SFMBT1: variants seen among roughly 807,000 people sequenced by gnomAD.
SFMBT1 encodes the protein Scm like with four mbt domains 1, also known as scm-like with four MBT domains protein 1.
A neutral mutation model predicts 108.7 loss-of-function variants in SFMBT1; 32 were observed. The observed-to-expected ratio is 0.29, with a 90% CI of 0.22 to 0.40. The LOEUF (loss-of-function observed/expected upper bound fraction) is 0.40, where lower values mean the gene tolerates loss of function less well. SFMBT1 is among the 10% of genes least tolerant of loss of function. The pLI, the probability that SFMBT1 is intolerant of heterozygous loss-of-function variation, is 1.00. For synonymous variants in SFMBT1, 348 were observed against 369.5 expected (o/e 0.94, Z 0.67); for missense variants, 816 against 1,059.6 (o/e 0.77, Z 3.19).
intron 1 of SFMBT1, among the ~76,000 whole-genome samples, chr3:53,015,237 A>T (rs2106934420): frequency 6.6e-6 from 1 of 151,958 alleles, no homozygotes; most frequent in East Asian, 1.9e-4. Context: ...AAATCATTGT[A>T]TTTTAATTGG....
chr3:53,032,777 A>T (rs1699730815), intron 1 of SFMBT1, among the ~76,000 whole-genome samples: 1 of 152,196 alleles, frequency 6.6e-6, no homozygotes, highest in Non-Finnish European at 1.5e-5. Context: ...AGAGATGAGA[A>T]ACACTGAACA....
intron 3 of SFMBT1, among the ~76,000 whole-genome samples, chr3:52,944,936 T>G (rs1703307844): frequency 6.6e-6 from 1 of 151,772 alleles, no homozygotes; most frequent in South Asian, 2.1e-4. Flanking sequence ...CCTGAGTAGC[T>G]GAGACCCCAG....
intron 1 of SFMBT1, among the ~76,000 whole-genome samples, chr3:53,043,414 T>C (rs1214111860): frequency 6.6e-6 from 1 of 152,270 alleles, no homozygotes; most frequent in Non-Finnish European, 1.5e-5. Flanking sequence ...ATAAGTCAAC[T>C]GCTGTCATTG....
chr3:53,044,103 T>C (rs777469183), intron 1 of SFMBT1, among the ~76,000 whole-genome samples: 1 of 152,222 alleles, frequency 6.6e-6, no homozygotes, highest in Non-Finnish European at 1.5e-5. Context: ...TCCATAAAAA[T>C]ACATTGTTAA....
In SFMBT1 at chr3:52,904,526, G is replaced by A. The variant is rs1182611156; in HGVS notation, c.*610C>T. The A allele has an allele frequency of 6.6e-6, 1 of 152,584 alleles. No individual in the cohort carries two copies. The highest frequency in any genetic ancestry group is 2.4e-5 in the African/African-American group (1 of 41,444). 9.5% of individuals were successfully genotyped at this position (152,584 alleles called of 1,614,324 possible). On this transcript the variant is annotated 3_prime_UTR_variant, in exon 21 of 21. Coordinates refer to ENST00000394752, the MANE Select transcript of SFMBT1 (RefSeq NM_016329.4). The stretch of plus-strand genomic sequence containing the variant: ...ATGGCTGTAAGCTCAATTATCAACA[G>A]AGGTAGTAAACAAAGGAACTCCTAA...
intron 11 of SFMBT1, among the ~76,000 whole-genome samples, 199 bp downstream of exon 11, chr3:52,921,504 CAT>C (rs1702518602): frequency 6.6e-6 from 1 of 152,168 alleles, no homozygotes; most frequent in African/African-American, 2.4e-5. Flanking sequence ...AATTTTTATT[CAT>C]ATTCATTTCC....
chr3:53,023,585 TC>T (rs753908839), intron 1 of SFMBT1, among the ~76,000 whole-genome samples: 5 of 152,182 alleles, frequency 3.3e-5, no homozygotes, highest in Non-Finnish European at 7.4e-5. Flanking sequence ...TTCCAGACTC[TC>T]CCTGCATCAT....
intron 1 of SFMBT1, among the ~76,000 whole-genome samples, chr3:53,033,447 C>T (rs766530025): frequency 2.0e-4 from 30 of 152,214 alleles, no homozygotes; most frequent in Non-Finnish European, 2.6e-4. Flanking sequence ...AGGTGTGAGC[C>T]GCCGCGCCCG....
At chr3:52,959,350 T>C (rs1703886515) in intron 2 of SFMBT1, among the ~76,000 whole-genome samples, 1 of 152,134 alleles carries the variant, frequency 6.6e-6, no homozygotes, top group Admixed American at 6.5e-5. Flanking sequence ...TAGTCCAAGG[T>C]CTAACCACAA....
intron 1 of SFMBT1, among the ~76,000 whole-genome samples, chr3:53,028,969 G>C (rs1699587879): frequency 6.6e-6 from 1 of 152,060 alleles, no homozygotes; most frequent in Non-Finnish European, 1.5e-5. Flanking sequence ...TCAGGAGCTT[G>C]AGAAGATCCT....
At chr3:53,039,212 AT>A (rs1699958129) in intron 1 of SFMBT1, among the ~76,000 whole-genome samples, 1 of 152,200 alleles carries the variant, frequency 6.6e-6, no homozygotes, top group African/African-American at 2.4e-5. Context: ...AGGTAAACAA[AT>A]CCTAGCAAAC....
At chr3:52,913,805 C>G (rs934715613) in intron 14 of SFMBT1, among the ~76,000 whole-genome samples, 188 bp from the exon 15 acceptor site, 1 of 152,192 alleles carries the variant, frequency 6.6e-6, no homozygotes, top group Non-Finnish European at 1.5e-5. Flanking sequence ...GCTTATCACT[C>G]TGCTGAAATC....
chr3:52,996,002 C>T (rs986305971), intron 1 of SFMBT1, among the ~76,000 whole-genome samples: 18 of 147,670 alleles, frequency 1.2e-4, no homozygotes, highest in Non-Finnish European at 2.4e-4. Flanking sequence ...ACCCGGGAGG[C>T]GGAGGTTGCA....
intron 1 of SFMBT1, among the ~76,000 whole-genome samples, chr3:53,028,930 T>C (rs939123432): frequency 6.6e-6 from 1 of 151,986 alleles, no homozygotes; most frequent in Non-Finnish European, 1.5e-5. Flanking sequence ...CCCAGCACTT[T>C]GGGAGGCCAA....
intron 1 of SFMBT1, among the ~76,000 whole-genome samples, chr3:53,008,723 C>A (rs1698835624): frequency 6.6e-6 from 1 of 151,874 alleles, no homozygotes; most frequent in Non-Finnish European, 1.5e-5. Context: ...CTCCGCCTCC[C>A]AGGTTTACTT....
At chr3:53,033,009 C>G (rs539956369) in intron 1 of SFMBT1, among the ~76,000 whole-genome samples, 1 of 152,240 alleles carries the variant, frequency 6.6e-6, no homozygotes, top group South Asian at 2.1e-4. Flanking sequence ...AAGACTCTGC[C>G]TTTTGAAGTA....
rs1409424279 is a variant in SFMBT1, at chr3:52,969,241, C to A, written c.-113G>T. On this transcript the variant is annotated 5_prime_UTR_variant, in exon 2 of 21. Coordinates refer to ENST00000394752, the MANE Select transcript of SFMBT1 (RefSeq NM_016329.4). ...CAAGCATCTGTTCAATGGGTATCCA[C>A]GGGTCCAAATGAAAGTGCTGAAAAA... The A allele has an allele frequency of 1.4e-5, 22 of 1,547,102 alleles. No individual in the cohort carries two copies. Among genetic ancestry groups the A allele is most frequent in the Admixed American group, 2.1e-5 (1 of 46,668 alleles).
intron 2 of SFMBT1, among the ~76,000 whole-genome samples, chr3:52,966,085 A>C (rs909576163): frequency 6.8e-6 from 1 of 146,378 alleles, no homozygotes; most frequent in African/African-American, 2.6e-5. Flanking sequence ...TGGGAGGCCG[A>C]GGCGGGCGGA....
chr3:53,040,153 G>C (rs1344717817), intron 1 of SFMBT1, among the ~76,000 whole-genome samples: 1 of 152,144 alleles, frequency 6.6e-6, no homozygotes, highest in East Asian at 1.9e-4. Flanking sequence ...TCTAGTCTGG[G>C]GAGCAAATTA....
Sources: allele counts gnomAD v4.1 joint callset (sites outside exome capture counted in the v4.1 genomes callset), GRCh38; gene constraint gnomAD v4.1.1; transcripts MANE v1.5; gene names NCBI Gene and HGNC (gene_info 2026-07-23, HGNC 2026-07-21).